DCDC1: variants seen among roughly 807,000 people sequenced by gnomAD.
The protein encoded by DCDC1 is doublecortin domain containing 1.
Under a neutral mutation model 178.3 loss-of-function variants are expected in DCDC1, and 200 were observed. The ratio of observed to expected loss-of-function variants is 1.12; its 90% CI spans 1.00 to 1.26. The LOEUF is 1.26. Among genes scored for constraint, DCDC1 ranks in the 50% most tolerant of loss-of-function variants. DCDC1 has a pLI of 0.00. For synonymous variants in DCDC1, 690 were observed against 604.8 expected, an observed-to-expected ratio of 1.14 and a Z score of -2.07; for missense variants, 1,983 against 1,749.2, an observed-to-expected ratio of 1.13 and a Z score of -2.38.
chr11:31,300,059 T>C (rs1172867655), intron 6 of DCDC1, among the ~76,000 whole-genome samples: 3 of 152,152 alleles, frequency 2.0e-5, no homozygotes, highest in Non-Finnish European at 4.4e-5. Flanking sequence ...GATTTTACCA[T>C]GTTGGCCAGG....
intron 20 of DCDC1, among the ~76,000 whole-genome samples, chr11:30,963,437 T>C (rs1590568863): frequency 6.6e-6 from 1 of 152,258 alleles, no homozygotes; most frequent in Non-Finnish European, 1.5e-5. Flanking sequence ...GACTTTTAGC[T>C]GGGTACACGG....
Position 30,915,550 on chromosome 11 carries a change from T to C in DCDC1, c.3614A>G (p.Asp1205Gly), listed in dbSNP as rs577708609. ...GTGTATCCAGCGCTGATGACTACCA[T>C]CAGATTTCTTCTCCACCAAAACCAC... The part of the protein sequence containing the change: ...MEVVLVEKKS[D>G]GSHQRWIHQE... Residue 1205 changes from aspartate to glycine, a missense_variant, in exon 27 of 39, where the codon GAT becomes GGT. Physicochemically the swap from Asp to Gly is moderately conservative, Grantham distance 94 (BLOSUM62 -1). Transcript: ENST00000684477. 218 of 1,613,958 alleles carry C rather than the reference T, an allele frequency of 1.4e-4. No individual in the cohort carries two copies. In the South Asian group the frequency reaches 2.3e-3, roughly 17 times the overall value.
intron 20 of DCDC1, among the ~76,000 whole-genome samples, chr11:31,017,593 T>A (rs1952565374): frequency 6.6e-6 from 1 of 152,048 alleles, no homozygotes; most frequent in Admixed American, 6.5e-5. Flanking sequence ...ATTAATTTTT[T>A]TTTTTTGAGA....
intron 4 of DCDC1, chr11:31,307,359 G>A (rs575830594): frequency 4.6e-5 from 15 of 327,892 alleles, no homozygotes; most frequent in South Asian, 1.1e-4. Flanking sequence ...AAATAAGTTC[G>A]TGTGAGCAAA....
At chr11:31,271,298 T>C (rs1376733097) in intron 7 of DCDC1, among the ~76,000 whole-genome samples, 1 of 152,240 alleles carries the variant, frequency 6.6e-6, no homozygotes, top group African/African-American at 2.4e-5. Context: ...CAATTATGTA[T>C]GCTCTCAGCT....
At chr11:30,952,658 C>T (rs1948501520) in intron 20 of DCDC1, 90 bp from the exon 21 acceptor site, 6 of 471,586 alleles carry the variant, frequency 1.3e-5, no homozygotes, top group Non-Finnish European at 3.6e-6. Context: ...ACTTACTATA[C>T]ACTAGGCAAA....
At chr11:31,157,844 T>C (rs767765194) in intron 9 of DCDC1, among the ~76,000 whole-genome samples, 20 of 152,180 alleles carry the variant, frequency 1.3e-4, no homozygotes, top group Non-Finnish European at 2.8e-4. Flanking sequence ...AAAGTTTATA[T>C]TATGGTATTT....
chr11:30,864,305 G>C lies in DCDC1; in HGVS notation c.*1068C>G, dbSNP rs1940823529. The C allele has an allele frequency of 6.6e-6, 1 of 152,128 alleles. No homozygotes were observed. Among genetic ancestry groups the C allele is most frequent in the Non-Finnish European group, 1.5e-5 (1 of 68,034 alleles). The allele number at this position is 152,128 out of a possible 1,614,324, so 9.4% of individuals were successfully genotyped here. A position where few individuals can be genotyped will look rare whatever the true frequency, so the allele number is the denominator to read the frequency against. ...AACTTTTGGATGTTTCTTCAAACTTGGGATTTGAAACCAATATGTATAATC... is the reference window on the plus strand; with the variant it reads ...AACTTTTGGATGTTTCTTCAAACTTCGGATTTGAAACCAATATGTATAATC... On this transcript the variant is annotated 3_prime_UTR_variant, in exon 39 of 39. Transcript: ENST00000684477.
intron 11 of DCDC1, among the ~76,000 whole-genome samples, chr11:31,119,984 G>T (rs1960558178): frequency 6.6e-6 from 1 of 152,142 alleles, no homozygotes; most frequent in Non-Finnish European, 1.5e-5. Context: ...ATGCTTCTCT[G>T]CATCTTCCCA....
chr11:31,164,945 A>G (rs910997733), intron 9 of DCDC1, among the ~76,000 whole-genome samples: 1 of 152,144 alleles, frequency 6.6e-6, no homozygotes, highest in African/African-American at 2.4e-5. Context: ...AACCTTTTCT[A>G]TCATGTTTTT....
intron 20 of DCDC1, among the ~76,000 whole-genome samples, chr11:31,029,132 T>G (rs1953451732): frequency 6.6e-6 from 1 of 152,026 alleles, no homozygotes; most frequent in Non-Finnish European, 1.5e-5. Flanking sequence ...GGAATAAAAT[T>G]TATCAAATCT....
At chr11:31,046,690 A>ATAC (rs1398114993) in intron 20 of DCDC1, among the ~76,000 whole-genome samples, 1 of 151,610 alleles carries the variant, frequency 6.6e-6, no homozygotes, top group Non-Finnish European at 1.5e-5. Flanking sequence ...CAGGGAACTT[A>ATAC]TACCAGTTAG....
chr11:30,928,126 G>A (rs993740983), intron 22 of DCDC1, among the ~76,000 whole-genome samples: 8 of 152,226 alleles, frequency 5.3e-5, no homozygotes, highest in African/African-American at 1.9e-4. Flanking sequence ...TTGGAAATGA[G>A]TGAATTCTCA....
intron 9 of DCDC1, among the ~76,000 whole-genome samples, chr11:31,169,736 AG>A (rs1191664831): frequency 1.3e-5 from 2 of 152,212 alleles, no homozygotes; most frequent in African/African-American, 4.8e-5. Context: ...AGGGAGATAA[AG>A]CATGCATATA....
chr11:30,899,604 G>A lies in DCDC1; in HGVS notation c.4702C>T (p.Leu1568=). 6.3e-7 allele frequency: 1 copy of A among 1,575,424 alleles called. No homozygotes were observed. Among genetic ancestry groups the A allele is most frequent in the Non-Finnish European group, 8.6e-7 (1 of 1,159,826 alleles). The stretch of plus-strand genomic sequence containing the variant: ...TCAGCCAAAATTCTGTCCTTTTTTA[G>A]CCAGTTCTGTTTCTCTAATTTTTCT... ...KAEKLEKQNW[L]KKDRILADLD... Residue 1568 remains leucine (L), a synonymous_variant, in exon 34 of 39, where the codon CTA becomes TTA. Transcript: ENST00000684477.
intron 30 of DCDC1, among the ~76,000 whole-genome samples, chr11:30,905,413 C>T (rs1180001633): frequency 3.9e-5 from 6 of 152,146 alleles, no homozygotes; most frequent in African/African-American, 1.4e-4. Flanking sequence ...CTGGCATTCT[C>T]TTGTTTTTGT....
At chr11:31,267,545 A>G (rs775824902) in intron 7 of DCDC1, among the ~76,000 whole-genome samples, 7 of 152,334 alleles carry the variant, frequency 4.6e-5, no homozygotes, top group South Asian at 4.1e-4. Flanking sequence ...CGCAACATCA[A>G]TGCTTTACCT....
At chr11:31,263,338 T>A (rs1565514838) in intron 8 of DCDC1, among the ~76,000 whole-genome samples, 2 of 152,090 alleles carry the variant, frequency 1.3e-5, no homozygotes, top group Non-Finnish European at 2.9e-5. Flanking sequence ...GCCAGAGTAA[T>A]GGAAGAGGAG....
intron 3 of DCDC1, among the ~76,000 whole-genome samples, chr11:31,327,417 G>A (rs973826116): frequency 5.9e-5 from 9 of 152,176 alleles, no homozygotes; most frequent in Middle Eastern, 6.8e-3. Flanking sequence ...TGATCTGCCC[G>A]CCTCAGTCTT....
Sources: allele counts gnomAD v4.1 joint callset (sites outside exome capture counted in the v4.1 genomes callset), GRCh38; gene constraint gnomAD v4.1.1; transcripts MANE v1.5; gene names NCBI Gene and HGNC (gene_info 2026-07-23, HGNC 2026-07-21).